RNF145: variants seen among roughly 807,000 people sequenced by gnomAD.
RNF145 encodes ring finger protein 145.
Under a neutral mutation model 57.3 loss-of-function variants are expected in RNF145, and 12 were observed. The observed-to-expected ratio is 0.21, with a 90% CI of 0.13 to 0.34. The LOEUF (loss-of-function observed/expected upper bound fraction) is 0.34, where lower values mean the gene tolerates loss of function less well. Among genes scored for constraint, RNF145 ranks in the 10% least tolerant of loss-of-function variants. RNF145 has a pLI of 1.00. For missense variants in RNF145, 429 were observed against 799.0 expected, an observed-to-expected ratio of 0.54 and a Z score of 5.58; for synonymous variants, 262 against 288.3, an observed-to-expected ratio of 0.91 and a Z score of 0.92.
At chr5:159,201,689 G>A (rs1023763032) in intron 2 of RNF145, among the ~76,000 whole-genome samples, 1 of 152,056 alleles carries the variant, frequency 6.6e-6, no homozygotes, top group African/African-American at 2.4e-5. Flanking sequence ...TGTATACCAT[G>A]CTAACATCTG....
intron 3 of RNF145, among the ~76,000 whole-genome samples, chr5:159,183,904 A>AAGGTGAC (rs750817195): frequency 2.0e-5 from 3 of 152,192 alleles, no homozygotes; most frequent in Non-Finnish European, 4.4e-5. Flanking sequence ...GAATTAGATA[A>AAGGTGAC]AGGTGACAGC....
At chr5:159,187,519 G>C (rs768711006) in intron 3 of RNF145, among the ~76,000 whole-genome samples, 1 of 151,854 alleles carries the variant, frequency 6.6e-6, no homozygotes, top group Admixed American at 6.6e-5. Flanking sequence ...AGTAGATACG[G>C]GGTTTCACTA....
intron 8 of RNF145, among the ~76,000 whole-genome samples, chr5:159,165,212 T>C (rs1025863015): frequency 6.6e-6 from 1 of 152,150 alleles, no homozygotes; most frequent in Admixed American, 6.5e-5. Flanking sequence ...ATAAACCACA[T>C]CTAACGACAG....
At chr5:159,185,144 CCT>C (rs1228970858) in intron 3 of RNF145, among the ~76,000 whole-genome samples, 1 of 152,170 alleles carries the variant, frequency 6.6e-6, no homozygotes, top group Non-Finnish European at 1.5e-5. Context: ...TTGCTCGATT[CCT>C]CTCTTTCAAT....
At chr5:159,159,377 A>G (rs561061191) in intron 10 of RNF145, among the ~76,000 whole-genome samples, 1 of 152,346 alleles carries the variant, frequency 6.6e-6, no homozygotes, top group East Asian at 1.9e-4. Flanking sequence ...TGGTATGACA[A>G]GAGTATAATT....
intron 2 of RNF145, among the ~76,000 whole-genome samples, chr5:159,198,576 G>A (rs1785542675): frequency 6.6e-6 from 1 of 152,086 alleles, no homozygotes; most frequent in Non-Finnish European, 1.5e-5. Context: ...TCTAGCTTGG[G>A]TAATCAAGAA....
In RNF145 at chr5:159,169,016, C is replaced by T; in HGVS notation, c.978G>A (p.Val326=). 1 of 1,597,856 alleles carries T rather than the reference C, an allele frequency of 6.3e-7. No individual in the cohort carries two copies. Among genetic ancestry groups the T allele is most frequent in the Admixed American group, 1.8e-5 (1 of 55,182 alleles). The change falls in exon 8 of 11, where the codon GTG becomes GTA. Residue 326 remains valine (V), a synonymous_variant. Transcript: ENST00000424310. The stretch of plus-strand genomic sequence containing the variant: ...CCTGCAGTTCTATCAGCCCAGTCTG[C>T]ACTGCCAGGATTAACAGCGTTACTC... ...TEGVTLLILA[V]QTGLIELQVV...
Position 159,205,707 on chromosome 5 carries a change from T to G in RNF145, c.-39-2051A>C, listed in dbSNP as rs146735198. ...CAGTCTTTATACTGCCATCGAAAAG[T>G]AACTATTTTTCTATATTCTGGAATC... On this transcript the variant is annotated intron_variant, in intron 1 of 10. Coordinates refer to ENST00000424310, the MANE Select transcript of RNF145 (RefSeq NM_001199383.2). Among the ~76,000 whole-genome samples the G allele has an allele frequency of 3.2e-3, 481 of 152,282 alleles. 3 individuals are homozygous for G. The highest frequency in any genetic ancestry group is 0.011 in the African/African-American group (457 of 41,566).
At chr5:159,206,281 C>T (rs1235751127) in intron 1 of RNF145, among the ~76,000 whole-genome samples, 1 of 152,218 alleles carries the variant, frequency 6.6e-6, no homozygotes, top group African/African-American at 2.4e-5. Context: ...TATTTCTATA[C>T]GTGAATGTTA....
At chr5:159,208,818 T>C (rs1158926303) in intron 1 of RNF145, among the ~76,000 whole-genome samples, 1 of 137,768 alleles carries the variant, frequency 7.3e-6, no homozygotes, top group Non-Finnish European at 1.6e-5. Flanking sequence ...GGCCTAGAAA[T>C]GGGATGCTGG....
At position 159,158,746 on chromosome 5, in the gene RNF145, T is replaced by C; in HGVS notation, c.1916A>G (p.Asn639Ser). Residue 639 changes from asparagine to serine, a missense_variant, in exon 11 of 11, where the codon AAC becomes AGC. By Grantham distance (46) the Asn-to-Ser change is conservative (BLOSUM62 1). This residue lies in a region of RNF145 where 102 missense variants were observed against 106.2 expected (regional missense o/e 0.96). Transcript: ENST00000424310. Reference protein sequence around the residue: ...NNEYIARRPDNQEGAFDPKEY... With the variant: ...NNEYIARRPDSQEGAFDPKEY... ...TTTGGGGTCAAAAGCCCCTTCCTGG[T>C]TATCTGGTCGTCTGGCAATGTACTC... is the stretch of plus-strand genomic sequence containing the variant. 6.2e-7 allele frequency: 1 copy of C among 1,613,998 alleles called. No individual in the cohort carries two copies. The highest frequency in any genetic ancestry group is 1.3e-5 in the African/African-American group (1 of 75,046).
intron 2 of RNF145, among the ~76,000 whole-genome samples, chr5:159,197,755 C>G (rs1354440198): frequency 1.3e-5 from 2 of 152,150 alleles, no homozygotes; most frequent in African/African-American, 4.8e-5. Context: ...TTAAATTATA[C>G]ACAGTAATTT....
At chr5:159,193,146 A>G (rs1785343377) in intron 3 of RNF145, among the ~76,000 whole-genome samples, 1 of 152,170 alleles carries the variant, frequency 6.6e-6, no homozygotes, top group South Asian at 2.1e-4. Context: ...TTCATGAAGG[A>G]GTCTAAGACA....
intron 3 of RNF145, among the ~76,000 whole-genome samples, chr5:159,189,938 T>TA (rs1354501709): frequency 1.3e-5 from 2 of 152,206 alleles, no homozygotes; most frequent in Admixed American, 1.3e-4. Context: ...CAATGATTGC[T>TA]AATGGGTATG....
intron 9 of RNF145, among the ~76,000 whole-genome samples, chr5:159,162,297 T>A (rs1377267789): frequency 6.6e-6 from 1 of 152,220 alleles, no homozygotes; most frequent in African/African-American, 2.4e-5. Context: ...CTTTTAATAT[T>A]TTAGTTACTT....
intron 8 of RNF145, among the ~76,000 whole-genome samples, chr5:159,166,402 T>C (rs2113098571): frequency 6.6e-6 from 1 of 152,364 alleles, no homozygotes; most frequent in South Asian, 2.1e-4. Context: ...TTCATAGTCA[T>C]AGTCAATCTC....
intron 9 of RNF145, among the ~76,000 whole-genome samples, chr5:159,162,342 T>C (rs1784244220): frequency 6.6e-6 from 1 of 152,080 alleles, no homozygotes; most frequent in African/African-American, 2.4e-5. Context: ...CTCTGTATCA[T>C]ACCATTTTGA....
rs543565166 is a variant in RNF145, at chr5:159,158,208, G to A, written c.*462C>T. ...AACTGAGGAGAAACGGGGTGGAGGA[G>A]AGGGCTGGTTGCTATTCAGACTTGA... On this transcript the variant is annotated 3_prime_UTR_variant, in exon 11 of 11. Coordinates refer to ENST00000424310, the MANE Select transcript of RNF145 (RefSeq NM_001199383.2). 7.3e-5 allele frequency: 12 copies of A among 164,674 alleles called. No homozygotes were observed. The highest frequency in any genetic ancestry group is 2.9e-4 in the African/African-American group (12 of 41,774). 10.2% of individuals were successfully genotyped at this position (164,674 alleles called of 1,614,324 possible). A position where few individuals can be genotyped will look rare whatever the true frequency, so the allele number is the denominator to read the frequency against.
chr5:159,173,675 T>C (rs563767592), intron 6 of RNF145, among the ~76,000 whole-genome samples: 1 of 152,240 alleles, frequency 6.6e-6, no homozygotes, highest in Non-Finnish European at 1.5e-5. Context: ...TTTTATAATA[T>C]ACTTTTTTCT....
Sources: allele counts gnomAD v4.1 joint callset (sites outside exome capture counted in the v4.1 genomes callset), GRCh38; gene constraint gnomAD v4.1.1; regional missense constraint gnomAD v4.1.1; transcripts MANE v1.5; gene names NCBI Gene and HGNC (gene_info 2026-07-23, HGNC 2026-07-21).